Variants in MACROD2 observed in about 807,000 individuals in gnomAD.
The protein encoded by MACROD2 is ADP-ribose glycohydrolase MACROD2.
MACROD2 carries 36 observed loss-of-function variants against 70.4 expected under a neutral mutation model. The observed-to-expected ratio is 0.51, with a 90% CI of 0.39 to 0.68. MACROD2 has a LOEUF of 0.68. MACROD2 is among the 30% of genes least tolerant of loss of function. MACROD2 has a pLI of 0.00. For missense variants in MACROD2, 496 were observed against 538.4 expected (o/e 0.92, Z 0.78); for synonymous variants, 172 against 178.8 (o/e 0.96, Z 0.30).
chr20:14,860,419 G>A (rs6135282), intron 5 of MACROD2, among the ~76,000 whole-genome samples: 50,362 of 151,882 alleles, frequency 0.33, 9,230 homozygotes, highest in Non-Finnish European at 0.41. Context: ...AAGCTGGGTG[G>A]GGGTGGGAGG....
At position 15,844,584 on chromosome 20, in the gene MACROD2, C is replaced by T. The variant is rs558727704; in HGVS notation, c.646-18161C>T. 4.6e-5 allele frequency among the ~76,000 whole-genome samples: 7 copies of T among 152,256 alleles called. No homozygotes were observed. The East Asian group carries it at 1.4e-3, about 29-fold the overall frequency. On this transcript the variant is annotated intron_variant, in intron 8 of 17. Transcript: ENST00000684519. ...GGTGACAGTGGGATTTGTAAGTAAG[C>T]TCCCAGACTTCACCGTACACCTAGT...
intron 4 of MACROD2, among the ~76,000 whole-genome samples, chr20:14,554,150 A>G (rs1978860007): frequency 6.6e-6 from 1 of 152,096 alleles, no homozygotes; most frequent in Admixed American, 6.6e-5. Flanking sequence ...TTCATTCCTC[A>G]AAATCAGTAG....
At chr20:15,735,023 C>T (rs553871711) in intron 8 of MACROD2, among the ~76,000 whole-genome samples, 13 of 152,158 alleles carry the variant, frequency 8.5e-5, no homozygotes, top group East Asian at 5.8e-4. Flanking sequence ...TGCAGTGGTG[C>T]GATCTCGGTT....
chr20:15,535,616 A>T (rs1256978949), intron 8 of MACROD2, among the ~76,000 whole-genome samples: 2 of 152,196 alleles, frequency 1.3e-5, no homozygotes, highest in Non-Finnish European at 2.9e-5. Flanking sequence ...TATCACGAAG[A>T]ATCCTTAAAC....
At chr20:14,548,096 G>A (rs912908127) in intron 4 of MACROD2, among the ~76,000 whole-genome samples, 3 of 152,150 alleles carry the variant, frequency 2.0e-5, no homozygotes, top group Non-Finnish European at 4.4e-5. Context: ...AAGCCACGTC[G>A]CAAAGGGGCT....
intron 5 of MACROD2, among the ~76,000 whole-genome samples, chr20:14,695,441 G>A (rs184880338): frequency 7.8e-4 from 119 of 152,230 alleles, no homozygotes; most frequent in Non-Finnish European, 1.0e-3. Flanking sequence ...TTGCATTTAC[G>A]TAGATCCTTT....
At chr20:14,181,943 T>G (rs2081308694) in intron 3 of MACROD2, among the ~76,000 whole-genome samples, 1 of 152,256 alleles carries the variant, frequency 6.6e-6, no homozygotes. Flanking sequence ...ATAATTCTTC[T>G]GTGAATATTT....
At chr20:14,724,664 G>C (rs1193920791) in intron 5 of MACROD2, among the ~76,000 whole-genome samples, 1 of 152,178 alleles carries the variant, frequency 6.6e-6, no homozygotes, top group Non-Finnish European at 1.5e-5. Context: ...TAACAATTCT[G>C]TGCTAAGAAT....
At chr20:14,238,734 T>A (rs1373747422) in intron 3 of MACROD2, among the ~76,000 whole-genome samples, 1 of 152,064 alleles carries the variant, frequency 6.6e-6, no homozygotes, top group African/African-American at 2.4e-5. Context: ...TGTACAAAAA[T>A]CAGCAGCCTT....
At chr20:14,573,056 C>CTTTTTTTTT (rs11482403) in intron 4 of MACROD2, among the ~76,000 whole-genome samples, 1 of 150,706 alleles carries the variant, frequency 6.6e-6, no homozygotes. Context: ...ATGAAATAGC[C>CTTTTTTTTT]TTTTTTTTCC....
chr20:14,927,563 T>C (rs1195960936), intron 5 of MACROD2, among the ~76,000 whole-genome samples: 1 of 152,224 alleles, frequency 6.6e-6, no homozygotes, highest in East Asian at 1.9e-4. Context: ...TGCTTTCACC[T>C]TCAACATTCA....
chr20:14,505,850 C>T (rs1351746632), intron 4 of MACROD2, among the ~76,000 whole-genome samples: 1 of 152,150 alleles, frequency 6.6e-6, no homozygotes, highest in Non-Finnish European at 1.5e-5. Context: ...AAAAAAGCAG[C>T]TATAAGGCTG....
chr20:14,217,118 A>G (rs934757645), intron 3 of MACROD2, among the ~76,000 whole-genome samples: 2 of 152,080 alleles, frequency 1.3e-5, no homozygotes, highest in African/African-American at 4.8e-5. Context: ...ATTTTTCCCC[A>G]TTCGGTATTT....
intron 10 of MACROD2, among the ~76,000 whole-genome samples, chr20:15,909,161 A>G (rs1025743931): frequency 8.5e-5 from 13 of 152,190 alleles, no homozygotes; most frequent in African/African-American, 3.1e-4. Context: ...TGAAAGCTGG[A>G]AGAACTGGAG....
At chr20:15,429,276 C>A (rs1346155803) in intron 6 of MACROD2, among the ~76,000 whole-genome samples, 1 of 152,130 alleles carries the variant, frequency 6.6e-6, no homozygotes, top group Admixed American at 6.5e-5. Flanking sequence ...CATTTAAGAA[C>A]ATTCTTCAGA....
intron 2 of MACROD2, among the ~76,000 whole-genome samples, chr20:14,036,302 G>C (rs1198550203): frequency 6.6e-6 from 1 of 152,294 alleles, no homozygotes; most frequent in African/African-American, 2.4e-5. Flanking sequence ...CTAGCACAAT[G>C]CCTGGAATCT....
intron 5 of MACROD2, among the ~76,000 whole-genome samples, chr20:15,137,518 A>G (rs2076158688): frequency 7.5e-6 from 1 of 133,388 alleles, no homozygotes; most frequent in South Asian, 2.5e-4. Context: ...ATGAGAACAC[A>G]TGGACACAGG....
chr20:14,320,953 T>C (rs1186018317), intron 3 of MACROD2, among the ~76,000 whole-genome samples: 5 of 152,196 alleles, frequency 3.3e-5, no homozygotes, highest in Non-Finnish European at 5.9e-5. Context: ...CCTTGAGCTA[T>C]TCAAATAGAT....
chr20:15,446,517 T>C (rs2046567419), intron 7 of MACROD2, among the ~76,000 whole-genome samples: 1 of 152,206 alleles, frequency 6.6e-6, no homozygotes, highest in Non-Finnish European at 1.5e-5. Flanking sequence ...ATCTTGTACA[T>C]GAACCCTCAG....
Sources: allele counts gnomAD v4.1 joint callset (sites outside exome capture counted in the v4.1 genomes callset), GRCh38; gene constraint gnomAD v4.1.1; transcripts MANE v1.5; gene names NCBI Gene and HGNC (gene_info 2026-07-23, HGNC 2026-07-21).